KCNT2: variants seen among roughly 807,000 people sequenced by gnomAD.
The protein encoded by KCNT2 is potassium sodium-activated channel subfamily T member 2.
KCNT2 carries 67 observed loss-of-function variants against 153.8 expected under a neutral mutation model. The observed-to-expected ratio is 0.44, with a 90% CI of 0.36 to 0.53. The LOEUF (loss-of-function observed/expected upper bound fraction) is 0.53. KCNT2 is among the 20% of genes least tolerant of loss of function. The pLI is 0.00. For missense variants in KCNT2, 975 were observed against 1,354.8 expected (o/e 0.72, Z 4.40); for synonymous variants, 500 against 458.8 (o/e 1.09, Z -1.15).
intron 1 of KCNT2, among the ~76,000 whole-genome samples, chr1:196,585,609 AC>A (rs904020916): frequency 9.3e-5 from 14 of 151,126 alleles, no homozygotes; most frequent in South Asian, 8.4e-4. Flanking sequence ...TTAAAAAAAA[AC>A]ATTATAGAGA....
intron 25 of KCNT2, among the ~76,000 whole-genome samples, chr1:196,280,653 T>C (rs1659008014): frequency 6.6e-6 from 1 of 152,176 alleles, no homozygotes; most frequent in African/African-American, 2.4e-5. Flanking sequence ...AACAGCCCCT[T>C]AGCCAACAAT....
At chr1:196,399,723 C>T (rs1671250842) in intron 12 of KCNT2, among the ~76,000 whole-genome samples, 1 of 151,684 alleles carries the variant, frequency 6.6e-6, no homozygotes, top group South Asian at 2.1e-4. Context: ...GAAATCCTAC[C>T]CTGCATTGTG....
intron 1 of KCNT2, among the ~76,000 whole-genome samples, chr1:196,589,497 T>C (rs1018073912): frequency 3.3e-5 from 5 of 152,088 alleles, no homozygotes; most frequent in African/African-American, 7.2e-5. Context: ...AGTTTAAGCA[T>C]AACATTTTTC....
rs774177783 is a variant in KCNT2, at chr1:196,319,515, T to C, written c.2317A>G (p.Met773Val). The C allele has an allele frequency of 1.3e-5, 21 of 1,610,242 alleles. No homozygotes were observed. Among genetic ancestry groups the C allele is most frequent in the East Asian group, 8.9e-5 (4 of 44,774 alleles). Residue 773 changes from methionine to valine, a missense_variant, in exon 20 of 28, where the codon ATG (methionine) becomes GTG (valine). Met to Val is a conservative substitution (Grantham distance 21). Transcript: ENST00000294725. ...ATAGAGCCCACCATGTAGTAAACCATTGGAAACCAACAGATTGCATCCAGA... is the reference window on the plus strand; with the variant it reads ...ATAGAGCCCACCATGTAGTAAACCACTGGAAACCAACAGATTGCATCCAGA... Reference protein sequence around the residue: ...HFLDAICWFPMVYYMVGSIDN... With the variant: ...HFLDAICWFPVVYYMVGSIDN...
chr1:196,466,234 T>C (rs1212807062), intron 7 of KCNT2, among the ~76,000 whole-genome samples: 1 of 152,058 alleles, frequency 6.6e-6, no homozygotes. Flanking sequence ...CAAATAAGTT[T>C]ATTTTTTTCT....
intron 1 of KCNT2, among the ~76,000 whole-genome samples, chr1:196,494,192 T>C (rs1442048233): frequency 2.6e-5 from 4 of 152,202 alleles, no homozygotes; most frequent in Non-Finnish European, 5.9e-5. Flanking sequence ...TCATTTTAAA[T>C]ATAGTAACTG....
rs555917585 is a variant in KCNT2, at chr1:196,424,142, G to A, written c.1122-1029C>T. On this transcript the variant is annotated intron_variant, in intron 11 of 27. Transcript: ENST00000294725. ...CTTCCCTTTTCTTTTATCACATGGA[G>A]GAATTCTTCTTGTAAATATGGTCGC... Among the ~76,000 whole-genome samples the A allele has an allele frequency of 9.2e-4, 139 of 151,676 alleles. 1 individual carries two copies. The highest frequency in any genetic ancestry group is 3.2e-3 in the African/African-American group (131 of 41,382).
chr1:196,429,880 A>T, intron 8 of KCNT2, 123 bp from the exon 9 acceptor site: 1 of 601,820 alleles, frequency 1.7e-6, no homozygotes, highest in South Asian at 2.8e-5. Context: ...CTTATATTTT[A>T]CAATATATTT....
chr1:196,523,846 T>C (rs1430002776), intron 1 of KCNT2, among the ~76,000 whole-genome samples: 1 of 152,226 alleles, frequency 6.6e-6, no homozygotes, highest in African/African-American at 2.4e-5. Flanking sequence ...TCTCTAATTA[T>C]AGATTAACTT....
chr1:196,467,227 C>G (rs1677697406), intron 7 of KCNT2, among the ~76,000 whole-genome samples: 1 of 152,032 alleles, frequency 6.6e-6, no homozygotes, highest in Non-Finnish European at 1.5e-5. Context: ...AGTGGTTGAA[C>G]CAGTCCAAAA....
chr1:196,510,101 A>C (rs1273131087), intron 1 of KCNT2, among the ~76,000 whole-genome samples: 2 of 152,174 alleles, frequency 1.3e-5, no homozygotes, highest in Non-Finnish European at 2.9e-5. Flanking sequence ...TATATAGTAC[A>C]CTCAGGGAAG....
chr1:196,441,277 C>CAT (rs1271603383), intron 8 of KCNT2, among the ~76,000 whole-genome samples: 1 of 151,480 alleles, frequency 6.6e-6, no homozygotes, highest in Non-Finnish European at 1.5e-5. Flanking sequence ...AGATTCATGG[C>CAT]ATATATCATA....
chr1:196,483,934 G>C (rs773932735), intron 3 of KCNT2, among the ~76,000 whole-genome samples: 58 of 152,104 alleles, frequency 3.8e-4, no homozygotes, highest in Non-Finnish European at 5.9e-4. Context: ...TATAACTTAT[G>C]GATTCATTAT....
chr1:196,335,804 TGTTCAG>T (rs1664967749), intron 16 of KCNT2, among the ~76,000 whole-genome samples: 1 of 152,136 alleles, frequency 6.6e-6, no homozygotes, highest in South Asian at 2.1e-4. Flanking sequence ...ATTTCTTGTT[TGTTCAG>T]GTCACTCTCA....
At chr1:196,243,610 C>A (rs993009711) in intron 26 of KCNT2, among the ~76,000 whole-genome samples, 2 of 152,146 alleles carry the variant, frequency 1.3e-5, no homozygotes, top group Non-Finnish European at 2.9e-5. Flanking sequence ...CAACACTGGG[C>A]AGAACTCAGC....
At chr1:196,580,664 AC>A (rs1378246671) in intron 1 of KCNT2, among the ~76,000 whole-genome samples, 1 of 152,192 alleles carries the variant, frequency 6.6e-6, no homozygotes, top group Non-Finnish European at 1.5e-5. Flanking sequence ...ATTGCTCTAA[AC>A]AAAAATAATT....
intron 13 of KCNT2, among the ~76,000 whole-genome samples, chr1:196,382,226 G>A (rs1333466154): frequency 3.3e-5 from 5 of 151,882 alleles, no homozygotes; most frequent in Non-Finnish European, 7.4e-5. Context: ...AGCCTCCTGA[G>A]TAGCTGGGAC....
At chr1:196,568,581 G>A (rs1660390207) in intron 1 of KCNT2, among the ~76,000 whole-genome samples, 1 of 147,458 alleles carries the variant, frequency 6.8e-6, no homozygotes, top group African/African-American at 2.5e-5. Flanking sequence ...GGGCGACAGG[G>A]CTAGACTCCG....
At chr1:196,549,341 T>G (rs1266872996) in intron 1 of KCNT2, among the ~76,000 whole-genome samples, 1 of 151,888 alleles carries the variant, frequency 6.6e-6, no homozygotes, top group East Asian at 1.9e-4. Flanking sequence ...AACACAGAAT[T>G]ATTTTACAGA....
Sources: allele counts gnomAD v4.1 joint callset (sites outside exome capture counted in the v4.1 genomes callset), GRCh38; gene constraint gnomAD v4.1.1; transcripts MANE v1.5; gene names NCBI Gene and HGNC (gene_info 2026-07-23, HGNC 2026-07-21).